The following ZNF674 variants were observed in gnomAD, a reference collection of about 807,000 sequenced individuals.
ZNF674 encodes zinc finger protein 674.
Under a neutral mutation model 7.0 loss-of-function variants are expected in ZNF674, and 2 were observed. The observed-to-expected ratio is 0.29, with a 90% CI of 0.12 to 0.90. The LOEUF (loss-of-function observed/expected upper bound fraction) is 0.90. Among genes scored for constraint, ZNF674 ranks in the 40% least tolerant of loss-of-function variants. The probability of loss-of-function intolerance (pLI) is 0.57; values close to 1 mark genes in which losing one functional copy is unlikely to be tolerated. For synonymous variants in ZNF674, 103 were observed against 145.2 expected (o/e 0.71, Z 2.09); for missense variants, 297 against 415.5 (o/e 0.71, Z 2.48).
At chrX:46,537,662 A>G (rs1942224176) in intron 3 of ZNF674, among the ~76,000 whole-genome samples, 1 of 112,081 alleles carries the variant, frequency 8.9e-6, no homozygotes, top group Non-Finnish European at 1.9e-5. Flanking sequence ...TCCTCTGTGT[A>G]TTATATGCAT....
intron 3 of ZNF674, among the ~76,000 whole-genome samples, chrX:46,530,013 G>C (rs767286194): frequency 8.9e-6 from 1 of 112,206 alleles, no homozygotes; most frequent in African/African-American, 3.2e-5. Context: ...GAAGCAAAAG[G>C]GGAAAGGTCT....
chrX:46,510,843 T>G (rs926040281), intron 5 of ZNF674, among the ~76,000 whole-genome samples: 14 of 112,260 alleles, frequency 1.2e-4, no homozygotes, highest in African/African-American at 4.5e-4. Flanking sequence ...AAAATAGGAC[T>G]AATAAAAGGG....
intron 5 of ZNF674, among the ~76,000 whole-genome samples, chrX:46,519,461 A>G (rs1256649531): frequency 1.8e-5 from 2 of 108,164 alleles, no homozygotes; most frequent in Non-Finnish European, 3.8e-5. Context: ...TACAAAAATT[A>G]GCTGGGTATG....
chrX:46,536,121 A>G (rs1288732287), intron 3 of ZNF674, among the ~76,000 whole-genome samples: 1 of 111,937 alleles, frequency 8.9e-6, no homozygotes, highest in African/African-American at 3.2e-5. Flanking sequence ...ATGTGTACAT[A>G]AGGATGTCCA....
intron 5 of ZNF674, 114 bp from the exon 6 acceptor site, chrX:46,501,449 G>T: frequency 1.4e-6 from 1 of 703,470 alleles, no homozygotes; most frequent in Non-Finnish European, 2.1e-6. Context: ...GAGCTGATGT[G>T]GATGGAGGAC....
chrX:46,536,855 C>T (rs1181328628), intron 3 of ZNF674, among the ~76,000 whole-genome samples: 1 of 112,489 alleles, frequency 8.9e-6, no homozygotes, highest in African/African-American at 3.2e-5. Context: ...AGCTGTATTA[C>T]CAGGTGACAT....
At chrX:46,506,680 C>T (rs1362013618) in intron 5 of ZNF674, among the ~76,000 whole-genome samples, 1 of 112,193 alleles carries the variant, frequency 8.9e-6, no homozygotes, top group Non-Finnish European at 1.9e-5. Flanking sequence ...TCAAGCCAAA[C>T]TCTCCATTAG....
At chrX:46,512,620 T>G (rs1263399806) in intron 5 of ZNF674, among the ~76,000 whole-genome samples, 1 of 105,789 alleles carries the variant, frequency 9.5e-6, no homozygotes, top group Non-Finnish European at 1.9e-5. Context: ...AAAAATTAGT[T>G]GGGCATGGTG....
chrX:46,541,590 T>A (rs1294800835), intron 3 of ZNF674, among the ~76,000 whole-genome samples: 1 of 111,632 alleles, frequency 9.0e-6, no homozygotes, highest in East Asian at 2.8e-4. Flanking sequence ...TTTTAGTTCA[T>A]TAAACTGACA....
chrX:46,541,664 G>A (rs1277553459), intron 3 of ZNF674, among the ~76,000 whole-genome samples: 8 of 112,011 alleles, frequency 7.1e-5, no homozygotes, highest in Admixed American at 4.8e-4. Flanking sequence ...GGAGGAACGT[G>A]GTACTGGGGG....
intron 3 of ZNF674, among the ~76,000 whole-genome samples, chrX:46,535,482 A>G (rs141686654): frequency 0.011 from 1,260 of 111,904 alleles, 10 homozygotes; most frequent in South Asian, 0.03. Flanking sequence ...TCAAAGTGAG[A>G]AAAGTATTAG....
At chrX:46,516,088 T>C (rs1324612200) in intron 5 of ZNF674, among the ~76,000 whole-genome samples, 2 of 111,674 alleles carry the variant, frequency 1.8e-5, no homozygotes, top group Non-Finnish European at 3.8e-5. Context: ...GCAAATTAAA[T>C]TCAAACTAGC....
Position 46,500,628 on chromosome X carries a change from A to G in ZNF674, c.946T>C (p.Tyr316His). The part of the protein sequence containing the change: ...DKCPKAFKSS[Y>H]HLIRHEKTHI... ...GTTTTTTCATGTCTAATAAGATGAT[A>G]TGAACTCTTAAAGGCTTTTGGACAT... The change falls in exon 6 of 6, where the codon TAT (tyrosine) becomes CAT (histidine). Residue 316 changes from tyrosine (Y) to histidine (H), a missense_variant. By Grantham distance (83) the Tyr-to-His change is moderately conservative. Coordinates refer to ENST00000683375, the MANE Select transcript of ZNF674 (RefSeq NM_001190417.2). 5 of 1,211,644 alleles carry G rather than the reference A, an allele frequency of 4.1e-6. No homozygotes were observed. The highest frequency in any genetic ancestry group is 5.6e-6 in the Non-Finnish European group (5 of 895,267).
At chrX:46,523,067 C>T (rs5952897) in intron 5 of ZNF674, 2,835 of 207,627 alleles carry the variant, frequency 0.014, 72 homozygotes, top group African/African-American at 0.08. Context: ...CTGAAAAGTA[C>T]GCACGTGTTC....
At chrX:46,529,262 A>G (rs1942065461) in intron 3 of ZNF674, 1 of 229,227 alleles carries the variant, frequency 4.4e-6, no homozygotes, top group Non-Finnish European at 7.9e-6. Flanking sequence ...TTTGAACTTT[A>G]TAGGAGAAAG....
At chrX:46,526,924 A>C (rs1320722978) in intron 5 of ZNF674, among the ~76,000 whole-genome samples, 2 of 111,660 alleles carry the variant, frequency 1.8e-5, no homozygotes, top group Non-Finnish European at 3.8e-5. Context: ...TTAAGAAAAA[A>C]AGAAGCCATA....
intron 5 of ZNF674, among the ~76,000 whole-genome samples, chrX:46,525,101 A>G (rs1941984593): frequency 9.0e-6 from 1 of 111,681 alleles, no homozygotes; most frequent in African/African-American, 3.2e-5. Context: ...AACATTCAGC[A>G]TCAATTCATG....
At chrX:46,542,575 G>A (rs961701478) in intron 2 of ZNF674, among the ~76,000 whole-genome samples, 6 of 111,004 alleles carry the variant, frequency 5.4e-5, no homozygotes, top group African/African-American at 9.8e-5. Context: ...ATTAGCTGGC[G>A]TGGTGGTGCA....
intron 5 of ZNF674, among the ~76,000 whole-genome samples, chrX:46,513,539 C>G (rs1288802262): frequency 9.0e-6 from 1 of 111,724 alleles, no homozygotes; most frequent in Non-Finnish European, 1.9e-5. Context: ...ATTGATGATT[C>G]CTATTCAAAA....
Sources: gnomAD v4.1 joint callset for allele counts (sites outside exome capture counted in the v4.1 genomes callset) on GRCh38, gnomAD v4.1.1 for gene constraint, MANE v1.5 for transcripts, NCBI Gene and HGNC (gene_info 2026-07-23, HGNC 2026-07-21) for gene names.